Variants in WDR44 observed in about 807,000 individuals in gnomAD.
WDR44 encodes the protein WD repeat domain 44.
A neutral mutation model predicts 65.7 loss-of-function variants in WDR44; 9 were observed. The observed-to-expected ratio is 0.14, with a 90% CI of 0.08 to 0.24. The LOEUF (loss-of-function observed/expected upper bound fraction) is 0.24, where lower values mean the gene tolerates loss of function less well. Ranked by LOEUF, WDR44 falls within the 10% of genes least tolerant of loss-of-function variation. The probability of loss-of-function intolerance (pLI) is 1.00; values close to 1 mark genes in which losing one functional copy is unlikely to be tolerated. For missense variants in WDR44, 425 were observed against 670.9 expected (o/e 0.63, Z 4.05); for synonymous variants, 220 against 235.2 (o/e 0.94, Z 0.59).
intron 19 of WDR44, among the ~76,000 whole-genome samples, chrX:118,448,544 T>A (rs1276919890): frequency 1.8e-5 from 2 of 111,735 alleles, no homozygotes; most frequent in Non-Finnish European, 3.8e-5. Context: ...AGCACTCCAG[T>A]CCTGGGGCTG....
At chrX:118,396,920 A>C (rs1602920606) in intron 6 of WDR44, 50 bp from the exon 7 acceptor site, 5 of 1,118,184 alleles carry the variant, frequency 4.5e-6, no homozygotes, top group Middle Eastern at 2.6e-4. Context: ...CAAAAAGATA[A>C]TTAAATTGCA....
intron 12 of WDR44, among the ~76,000 whole-genome samples, chrX:118,424,115 C>T (rs2057129553): frequency 9.3e-6 from 1 of 108,050 alleles, no homozygotes; most frequent in Non-Finnish European, 1.9e-5. Flanking sequence ...AATATATACC[C>T]AGAAGTGGAA....
At chrX:118,444,233 T>C (rs368866811) in intron 18 of WDR44, 127 bp from the exon 19 acceptor site, 5 of 746,226 alleles carry the variant, frequency 6.7e-6, no homozygotes, top group South Asian at 4.4e-5. Flanking sequence ...AGAAAAATTT[T>C]TGGGTTTTAA....
chrX:118,429,225 A>G (rs1458336976), intron 12 of WDR44, among the ~76,000 whole-genome samples: 5 of 111,281 alleles, frequency 4.5e-5, no homozygotes, highest in Non-Finnish European at 7.5e-5. Context: ...TTAATTCAAA[A>G]CATAAAAAAA....
At position 118,346,384 on chromosome X, in the gene WDR44, T is replaced by C; in HGVS notation, c.-120T>C. On this transcript the variant is annotated 5_prime_UTR_variant, in exon 1 of 20. Coordinates refer to ENST00000254029, the MANE Select transcript of WDR44 (RefSeq NM_019045.5). ...TCCTCGCTACAGATCGTCTGCTCCC[T>C]CAGCCTCGCCCGAGACCCACTTCCC... is the stretch of plus-strand genomic sequence containing the variant. The C allele has an allele frequency of 1.7e-6, 1 of 600,817 alleles. No homozygotes were observed. The highest frequency in any genetic ancestry group is 2.8e-6 in the Non-Finnish European group (1 of 356,987). The allele number at this position is 600,817 out of a possible 1,213,427, so 49.5% of individuals were successfully genotyped here. A position where few individuals can be genotyped will look rare whatever the true frequency, so the allele number is the denominator to read the frequency against.
chrX:118,352,343 TATA>T (rs2056417746), intron 1 of WDR44, among the ~76,000 whole-genome samples: 3 of 26,162 alleles, frequency 1.1e-4, no homozygotes, highest in African/African-American at 9.8e-4. Flanking sequence ...TATATATATA[TATA>T]TATATATTTT....
intron 2 of WDR44, 60 bp downstream of exon 2, chrX:118,378,512 T>C: frequency 9.1e-7 from 1 of 1,094,118 alleles, no homozygotes; most frequent in Non-Finnish European, 1.3e-6. Context: ...ATTCGTGTTT[T>C]TGTGTAATTC....
In WDR44 at chrX:118,387,362, A is replaced by G. The variant is rs1273134607; in HGVS notation, c.134A>G (p.Lys45Arg). 6 of 1,200,352 alleles carry G rather than the reference A, an allele frequency of 5.0e-6. No homozygotes were observed. Among genetic ancestry groups the G allele is most frequent in the South Asian group, 3.6e-5 (2 of 54,980 alleles). ...CAGGAAACAGAGAACACTGCATACA[A>G]AGTTGGAAATGAGTCCCCTGTACAA... ...TFKETENTAY[K>R]VGNESPVQEL... Residue 45 changes from lysine to arginine, a missense_variant, in exon 3 of 20, where the codon AAA becomes AGA. Coordinates refer to ENST00000254029, the MANE Select transcript of WDR44 (RefSeq NM_019045.5).
intron 12 of WDR44, among the ~76,000 whole-genome samples, chrX:118,426,129 G>GATAT (rs762501557): frequency 8.9e-6 from 1 of 111,797 alleles, no homozygotes; most frequent in East Asian, 2.8e-4. Context: ...GATATTAGAT[G>GATAT]ATATAAATGG....
At chrX:118,442,383 A>G in intron 16 of WDR44, 38 bp downstream of exon 16, 1 of 1,083,121 alleles carries the variant, frequency 9.2e-7, no homozygotes, top group Non-Finnish European at 1.3e-6. Context: ...TCCATACTAT[A>G]TGTAGATTCT....
intron 9 of WDR44, among the ~76,000 whole-genome samples, chrX:118,405,333 G>A (rs1414754853): frequency 9.1e-6 from 1 of 109,888 alleles, no homozygotes; most frequent in South Asian, 3.9e-4. Context: ...ACCACGTCTG[G>A]CCAAGGCTAT....
At chrX:118,407,134 T>A in intron 10 of WDR44, 108 bp downstream of exon 10, 1 of 761,525 alleles carries the variant, frequency 1.3e-6, no homozygotes, top group Non-Finnish European at 1.9e-6. Flanking sequence ...CTAGCCTGAC[T>A]CAAGAACGGG....
intron 5 of WDR44, among the ~76,000 whole-genome samples, 199 bp from the exon 6 acceptor site, chrX:118,395,050 A>G (rs1336683560): frequency 9.8e-5 from 11 of 112,071 alleles, no homozygotes; most frequent in African/African-American, 3.6e-4. Context: ...ACATTATTTC[A>G]TGAGCAGCAA....
intron 19 of WDR44, chrX:118,445,048 C>T (rs1211883056): frequency 3.4e-5 from 11 of 321,380 alleles, no homozygotes; most frequent in Middle Eastern, 8.6e-4. Flanking sequence ...GTAATCCCAG[C>T]ACTTTGGGAG....
intron 1 of WDR44, among the ~76,000 whole-genome samples, chrX:118,348,856 G>A (rs180690392): frequency 7.2e-4 from 81 of 111,930 alleles, no homozygotes; most frequent in Non-Finnish European, 1.3e-3. Flanking sequence ...TTAATAGACT[G>A]AATTTGGGCA....
At chrX:118,446,712 A>G (rs1253829140) in intron 19 of WDR44, among the ~76,000 whole-genome samples, 1 of 112,527 alleles carries the variant, frequency 8.9e-6, no homozygotes, top group Non-Finnish European at 1.9e-5. Flanking sequence ...TTCTTTCAGT[A>G]CAAGATACAA....
intron 12 of WDR44, among the ~76,000 whole-genome samples, chrX:118,417,686 T>A (rs1372272749): frequency 8.9e-6 from 1 of 112,151 alleles, no homozygotes; most frequent in East Asian, 2.8e-4. Context: ...TGTGATGAAT[T>A]TCCCACTTGT....
intron 12 of WDR44, among the ~76,000 whole-genome samples, chrX:118,420,070 C>T (rs1417607369): frequency 4.6e-5 from 5 of 109,694 alleles, no homozygotes. Context: ...ACCTGTGGAA[C>T]TTACCCCCTC....
At chrX:118,389,878 TCTG>T (rs2056803918) in intron 3 of WDR44, among the ~76,000 whole-genome samples, 1 of 108,551 alleles carries the variant, frequency 9.2e-6, no homozygotes, top group African/African-American at 3.4e-5. Flanking sequence ...TACTAAACTG[TCTG>T]CTTTTTATTT....
Sources: gnomAD v4.1 joint callset for allele counts (sites outside exome capture counted in the v4.1 genomes callset) on GRCh38, gnomAD v4.1.1 for gene constraint, MANE v1.5 for transcripts, NCBI Gene and HGNC (gene_info 2026-07-23, HGNC 2026-07-21) for gene names.